Variants in RANBP9 observed in about 807,000 individuals in gnomAD.
RANBP9 encodes the protein ran-binding protein 9.
Under a neutral mutation model 84.3 loss-of-function variants are expected in RANBP9, and 15 were observed. That is an observed-to-expected ratio of 0.18 (90% confidence interval 0.12 to 0.27). RANBP9 has a LOEUF of 0.27. Among genes scored for constraint, RANBP9 ranks in the 10% least tolerant of loss-of-function variants. The pLI, the probability that RANBP9 is intolerant of heterozygous loss-of-function variation, is 1.00. For missense variants in RANBP9, 809 were observed against 912.8 expected, an observed-to-expected ratio of 0.89 and a Z score of 1.46; for synonymous variants, 392 against 349.6, an observed-to-expected ratio of 1.12 and a Z score of -1.35.
intron 2 of RANBP9, among the ~76,000 whole-genome samples, chr6:13,677,410 C>T (rs1237953730): frequency 6.6e-6 from 1 of 152,020 alleles, no homozygotes; most frequent in African/African-American, 2.4e-5. Context: ...TTTAAAATTT[C>T]GAATTCTGAA....
rs767070995 is a variant in RANBP9, at chr6:13,705,868, C to CAA, written c.571+5065_571+5066dup. Among the ~76,000 whole-genome samples, 708 of 76,734 alleles carry CAA rather than the reference C, an allele frequency of 9.2e-3. 39 individuals carry two copies. The highest frequency in any genetic ancestry group is 0.034 in the African/African-American group (635 of 18,884). The allele number at this position is 76,734 out of a possible 152,430, so 50.3% of individuals were successfully genotyped here. A position where few individuals can be genotyped will look rare whatever the true frequency, so the allele number is the denominator to read the frequency against. On this transcript the variant is annotated intron_variant, in intron 1 of 13. Transcript: ENST00000011619. ...TGGGCGACAGAGCAAGACTCCGTCT[C>CAA]AAAAAAAAAAAAAAAAAAGAAACAT...
chr6:13,639,927 T>C (rs1049317086), intron 8 of RANBP9, among the ~76,000 whole-genome samples, 174 bp from the exon 9 acceptor site: 2 of 152,176 alleles, frequency 1.3e-5, no homozygotes, highest in Non-Finnish European at 2.9e-5. Flanking sequence ...AATTTTAGAA[T>C]TTCCAGAAAA....
At chr6:13,682,272 A>C in intron 2 of RANBP9, among the ~76,000 whole-genome samples, 1 of 152,260 alleles carries the variant, frequency 6.6e-6, no homozygotes, top group South Asian at 2.1e-4. Context: ...TAAGTAAGTG[A>C]AACTAGTATA....
intron 2 of RANBP9, among the ~76,000 whole-genome samples, chr6:13,685,944 G>C (rs1422188988): frequency 2.0e-5 from 3 of 149,976 alleles, no homozygotes; most frequent in Non-Finnish European, 4.4e-5. Context: ...AAAAAAAAAA[G>C]AGTATAACTA....
At chr6:13,707,125 C>T (rs901647915) in intron 1 of RANBP9, among the ~76,000 whole-genome samples, 2 of 151,924 alleles carry the variant, frequency 1.3e-5, no homozygotes, top group Non-Finnish European at 2.9e-5. Flanking sequence ...CTGGGCTCAA[C>T]CAATCCTCCT....
chr6:13,666,665 A>G (rs899903706), intron 2 of RANBP9, among the ~76,000 whole-genome samples: 4 of 147,554 alleles, frequency 2.7e-5, no homozygotes, highest in African/African-American at 9.9e-5. Flanking sequence ...AGTCCCAGCT[A>G]CTCGGGAGGA....
chr6:13,656,275 C>A (rs1366980586), intron 4 of RANBP9, among the ~76,000 whole-genome samples: 3 of 152,016 alleles, frequency 2.0e-5, no homozygotes, highest in African/African-American at 4.8e-5. Flanking sequence ...GTTTATGCTT[C>A]CTTTCATTTT....
intron 2 of RANBP9, among the ~76,000 whole-genome samples, chr6:13,676,248 T>C (rs963495158): frequency 2.0e-5 from 3 of 152,146 alleles, no homozygotes; most frequent in Non-Finnish European, 4.4e-5. Flanking sequence ...TTTTTTTTTA[T>C]TGTGGTTATT....
chr6:13,687,980 C>G (rs1225595787), intron 2 of RANBP9, among the ~76,000 whole-genome samples: 1 of 152,200 alleles, frequency 6.6e-6, no homozygotes. Flanking sequence ...GTGGCAGCAG[C>G]CAGCAGCAAC....
At position 13,711,125 on chromosome 6, in the gene RANBP9, G is replaced by A. The variant is rs1341194978; in HGVS notation, c.381C>T (p.Ser127=). The change falls in exon 1 of 14, where the codon AGC becomes AGT. Residue 127 remains serine (S), a synonymous_variant. Coordinates refer to ENST00000011619, the MANE Select transcript of RANBP9 (RefSeq NM_005493.3). ...CGTGAGGGAAGGGGGCCGCGGCGCT[G>A]CTGCCCGCCACCAGAGCTGGGGTCG... ...GAPTPALVAG[S]SAAAPFPHGD... 9.7e-6 allele frequency: 15 copies of A among 1,544,484 alleles called. No homozygotes were observed. In the South Asian group the frequency reaches 1.4e-4, roughly 15 times the overall value.
At chr6:13,658,691 T>A in intron 3 of RANBP9, 89 bp downstream of exon 3, 1 of 1,049,352 alleles carries the variant, frequency 9.5e-7, no homozygotes, top group South Asian at 1.4e-5. Flanking sequence ...AAAATCAGTA[T>A]CTTTAAATAT....
chr6:13,686,094 A>C (rs1432354433), intron 2 of RANBP9, among the ~76,000 whole-genome samples: 3 of 45,120 alleles, frequency 6.6e-5, no homozygotes, highest in Admixed American at 2.7e-4. Flanking sequence ...AATTTCCAAA[A>C]TTTCTTCCCC....
At chr6:13,710,670 G>C (rs1045409135) in intron 1 of RANBP9, among the ~76,000 whole-genome samples, 3 of 152,192 alleles carry the variant, frequency 2.0e-5, no homozygotes, top group African/African-American at 7.2e-5. Flanking sequence ...TTCCCTCAAG[G>C]TGTCCTGCTC....
In RANBP9 at chr6:13,678,522, G is replaced by A. The variant is rs1047276042; in HGVS notation, c.683+18263C>T. On this transcript the variant is annotated intron_variant, in intron 2 of 13. Coordinates refer to ENST00000011619, the MANE Select transcript of RANBP9 (RefSeq NM_005493.3). ...AGCCAAATCCACCTCCTTATCTAAC[G>A]CTCACATACGAAGCCAGTATTTCCT... Among the ~76,000 whole-genome samples, 26 of 152,176 alleles carry A rather than the reference G, an allele frequency of 1.7e-4. No homozygotes were observed. The South Asian group carries it at 3.7e-3, about 22-fold the overall frequency.
At position 13,657,952 on chromosome 6, in the gene RANBP9, T is replaced by C. The variant is rs906363180; in HGVS notation, c.737-676A>G. Among the ~76,000 whole-genome samples the C allele has an allele frequency of 7.2e-5, 11 of 152,216 alleles. No homozygotes were observed. The South Asian group carries it at 8.3e-4, about 11-fold the overall frequency. On this transcript the variant is annotated intron_variant, in intron 3 of 13. Coordinates refer to ENST00000011619, the MANE Select transcript of RANBP9 (RefSeq NM_005493.3). ...TTAAGGTACTTCATGTAGTTTGACA[T>C]TGACAGTTTTGCCTTGTACTTCAAA...
At chr6:13,631,993 T>C (rs1215761820) in intron 12 of RANBP9, among the ~76,000 whole-genome samples, 4 of 152,146 alleles carry the variant, frequency 2.6e-5, no homozygotes, top group African/African-American at 4.8e-5. Flanking sequence ...CTCAGACCTA[T>C]AGTTTTATCT....
At chr6:13,683,779 A>G (rs1000527704) in intron 2 of RANBP9, among the ~76,000 whole-genome samples, 8 of 148,874 alleles carry the variant, frequency 5.4e-5, no homozygotes, top group South Asian at 2.1e-4. Context: ...ATTTCTTGGG[A>G]AAAAAAAAAC....
At chr6:13,704,733 A>C (rs1351667079) in intron 1 of RANBP9, among the ~76,000 whole-genome samples, 1 of 152,042 alleles carries the variant, frequency 6.6e-6, no homozygotes, top group East Asian at 1.9e-4. Context: ...CCAGACACAT[A>C]AAGTAATTCT....
rs544704350 is a variant in RANBP9, at chr6:13,635,609, T to C, written c.1674-1057A>G. On this transcript the variant is annotated intron_variant, in intron 10 of 13. Transcript: ENST00000011619. ...CATGCATACACTCCTGTTAGTAAAATTGTTAAGGTAAAAAAAAAAAAAACA... is the reference window on the plus strand; with the variant it reads ...CATGCATACACTCCTGTTAGTAAAACTGTTAAGGTAAAAAAAAAAAAAACA... Among the ~76,000 whole-genome samples the C allele has an allele frequency of 2.0e-4, 30 of 148,282 alleles. No individual in the cohort carries two copies. The South Asian group carries it at 6.0e-3, about 30-fold the overall frequency.
Sources: allele counts gnomAD v4.1 joint callset (sites outside exome capture counted in the v4.1 genomes callset), GRCh38; gene constraint gnomAD v4.1.1; transcripts MANE v1.5; gene names NCBI Gene and HGNC (gene_info 2026-07-23, HGNC 2026-07-21).